LRP1B: variants seen among roughly 807,000 people sequenced by gnomAD.
LRP1B encodes low-density lipoprotein receptor-related protein 1B.
In LRP1B, 217 loss-of-function variants were observed where a neutral mutation model predicts 556.6. That is an observed-to-expected ratio of 0.39 (90% CI 0.35 to 0.44). The LOEUF (loss-of-function observed/expected upper bound fraction) is 0.44, where lower values mean the gene tolerates loss of function less well. Ranked by LOEUF, LRP1B falls within the 20% of genes least tolerant of loss-of-function variation. The pLI is 1.00. For missense variants in LRP1B, 5,053 were observed against 5,620.8 expected (o/e 0.90, Z 3.23); for synonymous variants, 2,047 against 1,865.8 (o/e 1.10, Z -2.50).
chr2:140,273,535 CAA>C (rs1380735362), intron 85 of LRP1B, among the ~76,000 whole-genome samples: 1 of 151,944 alleles, frequency 6.6e-6, no homozygotes, highest in Non-Finnish European at 1.5e-5. Flanking sequence ...TCTTTGCAAT[CAA>C]ATTTTATTGG....
At position 141,456,634 on chromosome 2, in the gene LRP1B, A is replaced by T. The variant is rs1292868840; in HGVS notation, c.343+23762T>A. Among the ~76,000 whole-genome samples the T allele has an allele frequency of 1.3e-5, 2 of 152,238 alleles. 1 individual carries two copies. The highest frequency in any genetic ancestry group is 1.3e-4 in the Admixed American group (2 of 15,280). On this transcript the variant is annotated intron_variant, in intron 3 of 90. Coordinates refer to ENST00000389484, the MANE Select transcript of LRP1B (RefSeq NM_018557.3). ...TGAGTGAATGTAATGCTGCAATAAG[A>T]TATGAAATGAAAATATTAAAAAGTC...
intron 1 of LRP1B, among the ~76,000 whole-genome samples, chr2:142,063,037 GATGGA>G (rs538305479): frequency 3.5e-4 from 47 of 133,784 alleles, no homozygotes; most frequent in South Asian, 1.9e-3. Context: ...CTATCTAAAA[GATGGA>G]AGCATTACCT....
intron 36 of LRP1B, among the ~76,000 whole-genome samples, chr2:140,716,326 T>C (rs1214318448): frequency 6.6e-6 from 1 of 152,096 alleles, no homozygotes; most frequent in African/African-American, 2.4e-5. Flanking sequence ...TATAATGATA[T>C]ATTTACATGG....
chr2:141,261,701 T>A (rs1573725551), intron 3 of LRP1B, among the ~76,000 whole-genome samples: 1 of 151,602 alleles, frequency 6.6e-6, no homozygotes, highest in African/African-American at 2.4e-5. Context: ...TTCATCTATA[T>A]TATTGTTAGT....
rs2104898966 is a variant in LRP1B at position 140,247,085 on chromosome 2, C to T, written c.13324+1G>A. 1 of 1,606,862 alleles carries T rather than the reference C, an allele frequency of 6.2e-7. No individual in the cohort carries two copies. On this transcript the variant is annotated splice_donor_variant, in intron 87 of 90. Coordinates refer to ENST00000389484, the MANE Select transcript of LRP1B (RefSeq NM_018557.3). LOFTEE classifies it high-confidence loss of function. The stretch of plus-strand genomic sequence containing the variant: ...CCAAAATATTAATCTGAGAAACTTA[C>T]TTGTGCTGATATGATCAGACTTGCT...
intron 41 of LRP1B, among the ~76,000 whole-genome samples, chr2:140,671,187 T>C (rs1367768082): frequency 6.6e-6 from 1 of 152,148 alleles, no homozygotes; most frequent in Non-Finnish European, 1.5e-5. Flanking sequence ...CTAAGGTATA[T>C]ACAAGCCCAT....
chr2:141,872,268 C>A (rs1698614480), intron 1 of LRP1B, among the ~76,000 whole-genome samples: 1 of 151,818 alleles, frequency 6.6e-6, no homozygotes, highest in Admixed American at 6.6e-5. Flanking sequence ...ACTATCAGAA[C>A]TGAAATGAAA....
chr2:140,276,190 AAAATT>A (rs1682664072), intron 84 of LRP1B, among the ~76,000 whole-genome samples: 1 of 152,010 alleles, frequency 6.6e-6, no homozygotes, highest in South Asian at 2.1e-4. Context: ...ATGGGTAAGA[AAAATT>A]AAAACATAAT....
chr2:141,220,183 A>C (rs2105273606), intron 6 of LRP1B, among the ~76,000 whole-genome samples: 1 of 152,262 alleles, frequency 6.6e-6, no homozygotes, highest in East Asian at 1.9e-4. Context: ...CCATGATAAA[A>C]CATTACAGGA....
At chr2:141,557,746 T>C (rs968451969) in intron 2 of LRP1B, among the ~76,000 whole-genome samples, 3 of 151,930 alleles carry the variant, frequency 2.0e-5, no homozygotes, top group African/African-American at 4.8e-5. Flanking sequence ...CTCTAGACTC[T>C]AGACTAAGAG....
chr2:141,081,671 T>C (rs761519125), intron 7 of LRP1B, among the ~76,000 whole-genome samples: 7 of 148,460 alleles, frequency 4.7e-5, no homozygotes, highest in Non-Finnish European at 8.9e-5. Context: ...ATCATTTCCA[T>C]ATTAAATTAG....
At chr2:141,533,947 A>C (rs574898023) in intron 2 of LRP1B, among the ~76,000 whole-genome samples, 1 of 152,276 alleles carries the variant, frequency 6.6e-6, no homozygotes, top group South Asian at 2.1e-4. Context: ...TTCTCATTTA[A>C]CACATTATAC....
rs541988693 is a variant in LRP1B at position 140,554,746 on chromosome 2, T to C, written c.7195-12775A>G. 7.2e-5 allele frequency among the ~76,000 whole-genome samples: 11 copies of C among 152,164 alleles called. No individual in the cohort carries two copies. The South Asian group carries it at 2.3e-3, about 32-fold the overall frequency. On this transcript the variant is annotated intron_variant, in intron 43 of 90. Transcript: ENST00000389484. ...TGCTTAAAACATACTTAACTTTCAA[T>C]AATTATTTACTGATAGAATAGTAAA...
At chr2:140,453,013 G>C (rs575437956) in intron 62 of LRP1B, among the ~76,000 whole-genome samples, 1 of 138,952 alleles carries the variant, frequency 7.2e-6, no homozygotes, top group East Asian at 2.2e-4. Flanking sequence ...TATCTTTATA[G>C]ATAGTGACTG....
chr2:140,705,860 ATAAAAG>A (rs1415452378), intron 37 of LRP1B, among the ~76,000 whole-genome samples: 3 of 152,142 alleles, frequency 2.0e-5, no homozygotes, highest in Non-Finnish European at 4.4e-5. Flanking sequence ...TATCAACTGA[ATAAAAG>A]TAAAAGGTTT....
intron 2 of LRP1B, among the ~76,000 whole-genome samples, chr2:141,487,058 C>T (rs1029238014): frequency 6.6e-6 from 1 of 152,060 alleles, no homozygotes; most frequent in Non-Finnish European, 1.5e-5. Context: ...TTTTGTTATT[C>T]CTCACAGCGT....
At chr2:141,234,750 G>T (rs2105305393) in intron 5 of LRP1B, among the ~76,000 whole-genome samples, 1 of 152,184 alleles carries the variant, frequency 6.6e-6, no homozygotes, top group East Asian at 1.9e-4. Flanking sequence ...AATATTAACA[G>T]AAAATTATGT....
intron 7 of LRP1B, among the ~76,000 whole-genome samples, chr2:141,100,986 A>G (rs1432349462): frequency 6.6e-6 from 1 of 152,050 alleles, no homozygotes; most frequent in Admixed American, 6.6e-5. Context: ...TACAAAGAGA[A>G]TTGGAGGTAA....
chr2:140,704,432 A>C (rs943725587), intron 37 of LRP1B, among the ~76,000 whole-genome samples: 1 of 152,130 alleles, frequency 6.6e-6, no homozygotes, highest in African/African-American at 2.4e-5. Flanking sequence ...ATCCTGAAGA[A>C]AATTTCATTC....
Sources: gnomAD v4.1 joint callset for allele counts (sites outside exome capture counted in the v4.1 genomes callset) on GRCh38, gnomAD v4.1.1 for gene constraint, MANE v1.5 for transcripts, NCBI Gene and HGNC (gene_info 2026-07-23, HGNC 2026-07-21) for gene names.